The following GABRB1 variants were observed in gnomAD, a reference collection of about 807,000 sequenced individuals.
The protein encoded by GABRB1 is gamma-aminobutyric acid receptor subunit beta-1.
GABRB1 carries 17 observed loss-of-function variants against 51.6 expected under a neutral mutation model. The observed-to-expected ratio is 0.33, with a 90% CI of 0.23 to 0.49. The LOEUF (loss-of-function observed/expected upper bound fraction) is 0.49, where lower values mean the gene tolerates loss of function less well. Among genes scored for constraint, GABRB1 ranks in the 20% least tolerant of loss-of-function variants. The pLI is 0.99. For synonymous variants in GABRB1, 247 were observed against 218.9 expected (o/e 1.13, Z -1.14); for missense variants, 410 against 600.6 (o/e 0.68, Z 3.32).
At chr4:47,301,638 A>AG (rs1724266710) in intron 4 of GABRB1, among the ~76,000 whole-genome samples, 3 of 151,872 alleles carry the variant, frequency 2.0e-5, no homozygotes, top group Non-Finnish European at 4.4e-5. Context: ...TGTCTCAAAA[A>AG]AAAAAAAACA....
chr4:47,086,783 G>T (rs1048927654), intron 3 of GABRB1, among the ~76,000 whole-genome samples: 1 of 152,142 alleles, frequency 6.6e-6, no homozygotes, highest in Non-Finnish European at 1.5e-5. Flanking sequence ...CTCACATAGA[G>T]CTCTCATTTC....
In GABRB1 at chr4:47,222,580, A is replaced by G. The variant is rs73815415; in HGVS notation, c.461+61111A>G. Among the ~76,000 whole-genome samples, 1,186 of 152,254 alleles carry G rather than the reference A, an allele frequency of 7.8e-3. 14 individuals are homozygous for G. Among genetic ancestry groups the G allele is most frequent in the African/African-American group, 0.027 (1,117 of 41,564 alleles). On this transcript the variant is annotated intron_variant, in intron 4 of 8. Transcript: ENST00000295454. The stretch of plus-strand genomic sequence containing the variant: ...ACAGTCCAGCAGACAGCTAGCATTC[A>G]CAAGACATGTGAGTGAAGCCATCTT...
chr4:47,415,536 T>C (rs1728886563), intron 8 of GABRB1, among the ~76,000 whole-genome samples: 1 of 152,202 alleles, frequency 6.6e-6, no homozygotes, highest in Admixed American at 6.5e-5. Context: ...AGTCAATTCT[T>C]CTCACCAGGA....
chr4:47,348,729 G>A (rs555192156), intron 5 of GABRB1, among the ~76,000 whole-genome samples: 2 of 152,298 alleles, frequency 1.3e-5, no homozygotes, highest in African/African-American at 4.8e-5. Context: ...ACTAGGGGAA[G>A]GATAGTTAAT....
At chr4:47,091,399 T>G (rs1285081053) in intron 3 of GABRB1, among the ~76,000 whole-genome samples, 1 of 152,162 alleles carries the variant, frequency 6.6e-6, no homozygotes, top group Non-Finnish European at 1.5e-5. Flanking sequence ...ACAGCATAAT[T>G]ATAAATATGT....
At chr4:47,058,375 C>T (rs906242030) in intron 3 of GABRB1, among the ~76,000 whole-genome samples, 4 of 152,178 alleles carry the variant, frequency 2.6e-5, no homozygotes, top group African/African-American at 9.7e-5. Flanking sequence ...TTCTCTCAGG[C>T]ATAAACAGAT....
intron 3 of GABRB1, among the ~76,000 whole-genome samples, chr4:47,142,938 A>G (rs967377539): frequency 3.3e-5 from 5 of 151,890 alleles, no homozygotes; most frequent in African/African-American, 9.7e-5. Context: ...ATTTCCTTCC[A>G]CTGAAATTAT....
chr4:47,010,204 A>G (rs975917883), intron 1 of GABRB1, among the ~76,000 whole-genome samples: 3 of 152,252 alleles, frequency 2.0e-5, no homozygotes, highest in African/African-American at 7.2e-5. Context: ...GAGGAATTGC[A>G]ATCACCAAAG....
chr4:47,099,474 T>C (rs1489961224), intron 3 of GABRB1, among the ~76,000 whole-genome samples: 2 of 152,124 alleles, frequency 1.3e-5, no homozygotes, highest in African/African-American at 4.8e-5. Flanking sequence ...GCTAGATAAA[T>C]ATATCTGCCT....
chr4:47,259,821 C>T (rs1232948656), intron 4 of GABRB1, among the ~76,000 whole-genome samples: 1 of 152,074 alleles, frequency 6.6e-6, no homozygotes, highest in African/African-American at 2.4e-5. Flanking sequence ...TATTCTCAAC[C>T]CTAGCTTTTA....
At chr4:47,207,248 T>C (rs1482996696) in intron 4 of GABRB1, among the ~76,000 whole-genome samples, 1 of 152,006 alleles carries the variant, frequency 6.6e-6, no homozygotes, top group East Asian at 1.9e-4. Context: ...TAACATTACA[T>C]TTAACTTGAG....
intron 5 of GABRB1, among the ~76,000 whole-genome samples, chr4:47,350,214 T>TAGAGAGAGAG (rs1477528549): frequency 3.9e-4 from 31 of 79,716 alleles, no homozygotes; most frequent in East Asian, 3.0e-3. Flanking sequence ...TATATATATA[T>TAGAGAGAGAG]ATATAGAGAG....
chr4:47,125,730 T>C (rs1716102288), intron 3 of GABRB1, among the ~76,000 whole-genome samples: 1 of 147,414 alleles, frequency 6.8e-6, no homozygotes, highest in South Asian at 2.1e-4. Context: ...TAATTTTTTG[T>C]ATTTTTAGTA....
chr4:47,232,920 G>A (rs544571879), intron 4 of GABRB1, among the ~76,000 whole-genome samples: 1 of 150,486 alleles, frequency 6.6e-6, no homozygotes, highest in African/African-American at 2.4e-5. Context: ...TGTCACCCAG[G>A]CTGGAGTGCA....
chr4:47,287,869 C>T (rs1723568786), intron 4 of GABRB1, among the ~76,000 whole-genome samples: 1 of 152,162 alleles, frequency 6.6e-6, no homozygotes, highest in South Asian at 2.1e-4. Context: ...CTGAGATTCT[C>T]AGCTCAACAG....
At chr4:47,163,049 A>G (rs1269201527) in intron 4 of GABRB1, among the ~76,000 whole-genome samples, 1 of 152,060 alleles carries the variant, frequency 6.6e-6, no homozygotes, top group Non-Finnish European at 1.5e-5. Context: ...GAAAGGCCAT[A>G]AGGTATAGCA....
intron 5 of GABRB1, among the ~76,000 whole-genome samples, chr4:47,367,792 A>G (rs1245885987): frequency 6.6e-6 from 1 of 152,230 alleles, no homozygotes; most frequent in Non-Finnish European, 1.5e-5. Context: ...CTTCTCTTGT[A>G]GAACAGAGCC....
At chr4:47,019,663 C>CTTTCT (rs1168119186) in intron 1 of GABRB1, among the ~76,000 whole-genome samples, 1 of 135,686 alleles carries the variant, frequency 7.4e-6, no homozygotes, top group East Asian at 2.2e-4. Context: ...TTCTTTCTTT[C>CTTTCT]TTTCTTTCTT....
chr4:47,185,720 A>C (rs1183310240), intron 4 of GABRB1, among the ~76,000 whole-genome samples: 3 of 151,890 alleles, frequency 2.0e-5, no homozygotes. Flanking sequence ...AAACTACCTC[A>C]CAAGATTTTC....
Sources: gnomAD v4.1 joint callset for allele counts (sites outside exome capture counted in the v4.1 genomes callset) on GRCh38, gnomAD v4.1.1 for gene constraint, MANE v1.5 for transcripts, NCBI Gene and HGNC (gene_info 2026-07-23, HGNC 2026-07-21) for gene names.